Variants in EGFR observed in about 807,000 individuals in gnomAD.
The protein encoded by EGFR is epidermal growth factor receptor, also known as avian erythroblastic leukemia viral (v-erb-b) oncogene homolog.
In EGFR, 58 loss-of-function variants were observed where a neutral mutation model predicts 143.0. The observed-to-expected ratio is 0.41, with a 90% CI of 0.33 to 0.50. The LOEUF is 0.50. EGFR is among the 20% of genes least tolerant of loss of function. EGFR has a pLI of 0.39. For missense variants in EGFR, 1,307 were observed against 1,579.0 expected, an observed-to-expected ratio of 0.83 and a Z score of 2.92; for synonymous variants, 613 against 594.4, an observed-to-expected ratio of 1.03 and a Z score of -0.45.
At chr7:55,095,889 C>G (rs17289357) in intron 1 of EGFR, among the ~76,000 whole-genome samples, 1,785 of 151,446 alleles carry the variant, frequency 0.012, 25 homozygotes, top group African/African-American at 0.036. Flanking sequence ...GAGATACACA[C>G]AGTCACACAC....
intron 22 of EGFR, among the ~76,000 whole-genome samples, chr7:55,193,629 A>G (rs1187959683): frequency 1.3e-5 from 2 of 152,078 alleles, no homozygotes; most frequent in Non-Finnish European, 2.9e-5. Context: ...CCATGAACCT[A>G]CCCCTTCACT....
chr7:55,128,309 A>T (rs1484018883), intron 1 of EGFR, among the ~76,000 whole-genome samples: 2 of 152,250 alleles, frequency 1.3e-5, no homozygotes, highest in Non-Finnish European at 2.9e-5. Context: ...TATTACTGAG[A>T]GTTAAAGAAA....
At chr7:55,133,940 G>C (rs534624239) in intron 1 of EGFR, among the ~76,000 whole-genome samples, 1 of 152,226 alleles carries the variant, frequency 6.6e-6, no homozygotes. Context: ...CTGAACATGA[G>C]TAAGCAAAAG....
intron 1 of EGFR, among the ~76,000 whole-genome samples, chr7:55,137,618 A>G (rs1010128905): frequency 2.8e-4 from 43 of 152,356 alleles, no homozygotes; most frequent in African/African-American, 9.9e-4. Flanking sequence ...ACAAGAATGC[A>G]CAGATAACTT....
intron 1 of EGFR, among the ~76,000 whole-genome samples, chr7:55,091,886 A>ACC (rs1791144779): frequency 2.1e-5 from 2 of 97,170 alleles, no homozygotes; most frequent in Non-Finnish European, 4.5e-5. Context: ...ACACACACAC[A>ACC]CACACCCTGA....
Position 55,031,341 on chromosome 7 carries a change from A to C in EGFR, c.88+11976A>C, listed in dbSNP as rs140548993. Among the ~76,000 whole-genome samples, 12 of 152,364 alleles carry C rather than the reference A, an allele frequency of 7.9e-5. No homozygotes were observed. The East Asian group carries it at 2.3e-3, about 29-fold the overall frequency. On this transcript the variant is annotated intron_variant, in intron 1 of 27. Coordinates refer to ENST00000275493, the MANE Select transcript of EGFR (RefSeq NM_005228.5). ...TTGCAAAGGTTACTTGGGCAAAAGC[A>C]TCATTATTTTACCTTCAGTCAACAA...
At chr7:55,172,759 T>A in intron 16 of EGFR, 1 of 1,296,102 alleles carries the variant, frequency 7.7e-7, no homozygotes, top group Non-Finnish European at 1.1e-6. Flanking sequence ...TTTTAAAAAA[T>A]GAGGAAAAGT....
chr7:55,054,660 T>C (rs980077234), intron 1 of EGFR, among the ~76,000 whole-genome samples: 2 of 152,216 alleles, frequency 1.3e-5, no homozygotes, highest in African/African-American at 4.8e-5. Flanking sequence ...CTCTGAACCA[T>C]GGCCCCACAG....
intron 1 of EGFR, among the ~76,000 whole-genome samples, chr7:55,140,854 G>C (rs1794417881): frequency 6.6e-6 from 1 of 152,246 alleles, no homozygotes; most frequent in African/African-American, 2.4e-5. Flanking sequence ...CAGAGTTAAA[G>C]AGGATGTGAA....
chr7:55,076,269 G>C (rs1057013192), intron 1 of EGFR, among the ~76,000 whole-genome samples: 2 of 152,108 alleles, frequency 1.3e-5, no homozygotes, highest in East Asian at 3.9e-4. Context: ...AAATGGTAAC[G>C]CATGTCAAAT....
chr7:55,189,652 T>C (rs1341696302), intron 20 of EGFR, among the ~76,000 whole-genome samples: 1 of 152,190 alleles, frequency 6.6e-6, no homozygotes, highest in Non-Finnish European at 1.5e-5. Context: ...GTCCTCTGCA[T>C]GGGGACTTGT....
At chr7:55,093,212 C>T (rs924234741) in intron 1 of EGFR, among the ~76,000 whole-genome samples, 5 of 152,194 alleles carry the variant, frequency 3.3e-5, no homozygotes, top group Non-Finnish European at 7.4e-5. Flanking sequence ...CCTGCTGGAA[C>T]CAAGCTTTAA....
intron 22 of EGFR, among the ~76,000 whole-genome samples, chr7:55,197,411 C>G (rs1337655135): frequency 2.0e-5 from 3 of 152,184 alleles, no homozygotes; most frequent in Non-Finnish European, 4.4e-5. Context: ...GGTTTTGGGT[C>G]AAGACTATGG....
In EGFR at chr7:55,206,188, G is replaced by C. The variant is rs1583666625; in HGVS notation, c.*571G>C. On this transcript the variant is annotated 3_prime_UTR_variant, in exon 28 of 28. Transcript: ENST00000275493. Reference sequence around the variant, plus strand: ...GCAGGCCGGATCGGTACTGTATCAAGTCATGGCAGGTACAGTAGGATAAGC... The same window carrying C: ...GCAGGCCGGATCGGTACTGTATCAACTCATGGCAGGTACAGTAGGATAAGC... 3.9e-6 allele frequency: 1 copy of C among 254,670 alleles called. No individual in the cohort carries two copies. The highest frequency in any genetic ancestry group is 5.8e-5 in the East Asian group (1 of 17,274). The allele number at this position is 254,670 out of a possible 1,614,324, so 15.8% of individuals were successfully genotyped here.
intron 1 of EGFR, among the ~76,000 whole-genome samples, chr7:55,089,175 TTTGC>T (rs1790951494): frequency 6.6e-6 from 1 of 152,220 alleles, no homozygotes; most frequent in African/African-American, 2.4e-5. Context: ...TTAATTTTAC[TTTGC>T]TTGAGAGCTT....
chr7:55,020,167 C>G (rs1044298579), intron 1 of EGFR, among the ~76,000 whole-genome samples: 1 of 152,242 alleles, frequency 6.6e-6, no homozygotes, highest in Non-Finnish European at 1.5e-5. Flanking sequence ...ACCCCGGCCG[C>G]TCGCCTCGCC....
intron 19 of EGFR, 54 bp downstream of exon 19, chr7:55,174,874 C>A (rs1204256518): frequency 1.4e-6 from 2 of 1,409,138 alleles, no homozygotes; most frequent in Non-Finnish European, 2.0e-6. Context: ...TCAGGCCCAC[C>A]TTTTCTCATG....
chr7:55,128,255 G>A (rs751817917), intron 1 of EGFR, among the ~76,000 whole-genome samples: 36 of 152,212 alleles, frequency 2.4e-4, no homozygotes, highest in Non-Finnish European at 4.0e-4. Flanking sequence ...GTCCCTTTGC[G>A]GTTCATTTCT....
At chr7:55,089,615 C>G (rs1275334231) in intron 1 of EGFR, among the ~76,000 whole-genome samples, 1 of 152,178 alleles carries the variant, frequency 6.6e-6, no homozygotes, top group East Asian at 1.9e-4. Flanking sequence ...AATCACAATG[C>G]TGTCATCGAA....
Sources: gnomAD v4.1 joint callset for allele counts (sites outside exome capture counted in the v4.1 genomes callset) on GRCh38, gnomAD v4.1.1 for gene constraint, MANE v1.5 for transcripts, NCBI Gene and HGNC (gene_info 2026-07-23, HGNC 2026-07-21) for gene names.